Variants in ADAMTSL3 observed in about 807,000 individuals in gnomAD.
The protein encoded by ADAMTSL3 is ADAMTS-like protein 3.
In ADAMTSL3, 128 loss-of-function variants were observed where a neutral mutation model predicts 201.7. That is an observed-to-expected ratio of 0.63 (90% CI 0.55 to 0.73). The LOEUF (loss-of-function observed/expected upper bound fraction) is 0.73. Ranked by LOEUF, ADAMTSL3 falls within the 30% of genes least tolerant of loss-of-function variation. ADAMTSL3 has a pLI of 0.00. For synonymous variants in ADAMTSL3, 738 were observed against 748.4 expected (o/e 0.99, Z 0.23); for missense variants, 1,990 against 2,119.6 (o/e 0.94, Z 1.20).
At chr15:84,033,671 C>CA (rs1176296717) in intron 28 of ADAMTSL3, among the ~76,000 whole-genome samples, 1 of 151,988 alleles carries the variant, frequency 6.6e-6, no homozygotes, top group South Asian at 2.1e-4. Context: ...AAAAACAAAC[C>CA]AAAAAACAAA....
chr15:83,686,976 AGTT>A (rs2061544445), intron 2 of ADAMTSL3, among the ~76,000 whole-genome samples: 1 of 152,088 alleles, frequency 6.6e-6, no homozygotes, highest in Non-Finnish European at 1.5e-5. Flanking sequence ...GGACTACTTG[AGTT>A]GAGGAGTTCG....
intron 4 of ADAMTSL3, among the ~76,000 whole-genome samples, chr15:83,790,860 T>G (rs2063332835): frequency 6.6e-6 from 1 of 152,210 alleles, no homozygotes; most frequent in Non-Finnish European, 1.5e-5. Context: ...TTACTAGTGA[T>G]GAGCACATAG....
intron 22 of ADAMTSL3, among the ~76,000 whole-genome samples, chr15:83,989,788 G>A (rs1027345763): frequency 1.3e-5 from 2 of 152,202 alleles, no homozygotes; most frequent in Non-Finnish European, 2.9e-5. Context: ...TAAAATGGAC[G>A]TTTGATTCTT....
At chr15:83,942,205 G>C (rs2066573914) in intron 17 of ADAMTSL3, among the ~76,000 whole-genome samples, 1 of 152,206 alleles carries the variant, frequency 6.6e-6, no homozygotes, top group Non-Finnish European at 1.5e-5. Context: ...CAGGTGCCCT[G>C]AAGATTTCCT....
chr15:83,999,841 G>A (rs958755644), intron 23 of ADAMTSL3, among the ~76,000 whole-genome samples: 2 of 152,102 alleles, frequency 1.3e-5, no homozygotes, highest in African/African-American at 2.4e-5. Context: ...ATGTCTAGGC[G>A]AATTATTAAC....
chr15:83,913,818 C>T (rs888469414), intron 16 of ADAMTSL3, among the ~76,000 whole-genome samples: 2 of 152,170 alleles, frequency 1.3e-5, no homozygotes, highest in Non-Finnish European at 2.9e-5. Context: ...GGGGAACAAA[C>T]TAATCACCAT....
In ADAMTSL3 at chr15:83,913,100, C is replaced by T. The variant is rs1235520229; in HGVS notation, c.1709C>T (p.Pro570Leu). ...RIATEEPTFI[P>L]EPWSACSTTC... ...TTCCTGGTTTTCCCTAGGTTCATTC[C>T]AGAACCCTGGTCAGCCTGCAGTACC... Residue 570 changes from proline to leucine, a missense_variant, in exon 16 of 30, where the codon CCA (proline) becomes CTA (leucine). Coordinates refer to ENST00000286744, the MANE Select transcript of ADAMTSL3 (RefSeq NM_207517.3). 1 of 1,613,826 alleles carries T rather than the reference C, an allele frequency of 6.2e-7. No homozygotes were observed. Among genetic ancestry groups the T allele is most frequent in the Non-Finnish European group, 8.5e-7 (1 of 1,179,910 alleles).
chr15:83,711,909 C>G (rs2061938502), intron 3 of ADAMTSL3, among the ~76,000 whole-genome samples: 1 of 151,592 alleles, frequency 6.6e-6, no homozygotes. Flanking sequence ...CACTTACACC[C>G]TATGGGTTAA....
chr15:83,969,450 A>C (rs2067152369), intron 19 of ADAMTSL3, among the ~76,000 whole-genome samples: 2 of 152,230 alleles, frequency 1.3e-5, no homozygotes, highest in African/African-American at 4.8e-5. Flanking sequence ...TCCATCTCAA[A>C]AAACAAACAA....
intron 23 of ADAMTSL3, among the ~76,000 whole-genome samples, chr15:84,012,005 G>C (rs1468250261): frequency 6.6e-6 from 1 of 152,152 alleles, no homozygotes; most frequent in South Asian, 2.1e-4. Flanking sequence ...TAAACTTTCT[G>C]TATGTGTATA....
chr15:83,698,159 TAGTC>T (rs947759187), intron 2 of ADAMTSL3, among the ~76,000 whole-genome samples: 1 of 152,140 alleles, frequency 6.6e-6, no homozygotes, highest in Non-Finnish European at 1.5e-5. Context: ...TCAAGAACCT[TAGTC>T]AGAGGCCACA....
At chr15:83,911,423 TC>T (rs1172470190) in intron 15 of ADAMTSL3, among the ~76,000 whole-genome samples, 3 of 152,344 alleles carry the variant, frequency 2.0e-5, no homozygotes, top group Middle Eastern at 3.4e-3. Context: ...TAAACCTATG[TC>T]CTTTTAAATG....
chr15:83,816,115 A>T (rs1003849564), intron 5 of ADAMTSL3, among the ~76,000 whole-genome samples: 18 of 152,236 alleles, frequency 1.2e-4, no homozygotes, highest in African/African-American at 4.3e-4. Context: ...AACACAGGTT[A>T]CTTATTCCTA....
chr15:83,965,091 A>G (rs967755115), intron 19 of ADAMTSL3, among the ~76,000 whole-genome samples: 9 of 152,222 alleles, frequency 5.9e-5, no homozygotes, highest in African/African-American at 2.2e-4. Context: ...AAGACTGTCA[A>G]CACTATGAAG....
rs1051372029 is a variant in ADAMTSL3 at position 84,038,496 on chromosome 15, G to A, written c.*690G>A. ...TATGACCTAATGAGGCATCTCGGAA[G>A]TCAAAGAAGAGGGAAAGTTAACCTT... On this transcript the variant is annotated 3_prime_UTR_variant, in exon 30 of 30. Transcript: ENST00000286744. 1 of 152,666 alleles carries A rather than the reference G, an allele frequency of 6.6e-6. No homozygotes were observed. The highest frequency in any genetic ancestry group is 2.4e-5 in the African/African-American group (1 of 41,466). 9.5% of individuals were successfully genotyped at this position (152,666 alleles called of 1,614,324 possible).
At chr15:83,704,540 C>G (rs536337185) in intron 3 of ADAMTSL3, 32 bp downstream of exon 3, 1 of 1,605,624 alleles carries the variant, frequency 6.2e-7, no homozygotes, top group African/African-American at 1.4e-5. Flanking sequence ...CTACCTTTGG[C>G]TTTGCTGTTT....
In ADAMTSL3 at chr15:83,909,342, T is replaced by C. The variant is rs145819915; in HGVS notation, c.1701-3750T>C. ...TATTCTGCCTACAATTCTAGGTTTT[T>C]ATGTTCATCATTTTTATTACTTTTT... On this transcript the variant is annotated intron_variant, in intron 15 of 29. Coordinates refer to ENST00000286744, the MANE Select transcript of ADAMTSL3 (RefSeq NM_207517.3). Among the ~76,000 whole-genome samples, 301 of 152,338 alleles carry C rather than the reference T, an allele frequency of 2.0e-3. 1 individual carries two copies. The highest frequency in any genetic ancestry group is 3.6e-3 in the Non-Finnish European group (246 of 68,028).
intron 4 of ADAMTSL3, among the ~76,000 whole-genome samples, chr15:83,780,869 A>G (rs541297973): frequency 8.3e-4 from 127 of 152,328 alleles, no homozygotes; most frequent in Non-Finnish European, 1.4e-3. Context: ...TCATACACAC[A>G]AAATAAAATA....
intron 4 of ADAMTSL3, among the ~76,000 whole-genome samples, chr15:83,775,270 C>A (rs1413694318): frequency 6.6e-6 from 1 of 151,610 alleles, no homozygotes; most frequent in Admixed American, 6.6e-5. Flanking sequence ...AACCTCAAGT[C>A]TCAGAAGTCT....
Sources: allele counts gnomAD v4.1 joint callset (sites outside exome capture counted in the v4.1 genomes callset), GRCh38; gene constraint gnomAD v4.1.1; transcripts MANE v1.5; gene names NCBI Gene and HGNC (gene_info 2026-07-23, HGNC 2026-07-21).